The following RIMBP2 variants were observed in gnomAD, a reference collection of about 807,000 sequenced individuals.
RIMBP2 encodes the protein RIMS binding protein 2.
A neutral mutation model predicts 118.6 loss-of-function variants in RIMBP2; 48 were observed. The ratio of observed to expected loss-of-function variants is 0.40; its 90% CI spans 0.32 to 0.51. The LOEUF (loss-of-function observed/expected upper bound fraction) is 0.51. RIMBP2 is among the 20% of genes least tolerant of loss of function. The pLI is 0.41. For missense variants in RIMBP2, 1,551 were observed against 1,768.3 expected, an observed-to-expected ratio of 0.88 and a Z score of 2.20; for synonymous variants, 762 against 742.9, an observed-to-expected ratio of 1.03 and a Z score of -0.42.
chr12:130,577,189 C>A (rs1217733008), intron 2 of RIMBP2, among the ~76,000 whole-genome samples: 1 of 152,176 alleles, frequency 6.6e-6, no homozygotes, highest in East Asian at 1.9e-4. Flanking sequence ...CACCTGTCTT[C>A]TCATCTGTAA....
chr12:130,438,703 C>G (rs2077745373), intron 11 of RIMBP2, among the ~76,000 whole-genome samples, 187 bp from the exon 12 acceptor site: 1 of 152,176 alleles, frequency 6.6e-6, no homozygotes, highest in South Asian at 2.1e-4. Context: ...GGGGTACAGT[C>G]AGGTACCAGG....
intron 1 of RIMBP2, among the ~76,000 whole-genome samples, chr12:130,664,419 ACG>A (rs2063808313): frequency 1.2e-4 from 13 of 105,508 alleles, no homozygotes; most frequent in South Asian, 6.1e-4. Context: ...ACGCACACAC[ACG>A]CACACACATG....
chr12:130,713,185 G>A (rs560827160), intron 1 of RIMBP2, among the ~76,000 whole-genome samples: 9 of 139,216 alleles, frequency 6.5e-5, no homozygotes, highest in African/African-American at 1.9e-4. Context: ...AAGGAAGGAA[G>A]GAAAGAAGGA....
chr12:130,483,939 ATG>A (rs1294076890), intron 4 of RIMBP2, among the ~76,000 whole-genome samples: 2 of 151,608 alleles, frequency 1.3e-5, no homozygotes, highest in African/African-American at 4.9e-5. Context: ...CCCCGCCTAG[ATG>A]TGTCCCTGAG....
At chr12:130,488,143 T>A (rs568688687) in intron 4 of RIMBP2, among the ~76,000 whole-genome samples, 1 of 152,114 alleles carries the variant, frequency 6.6e-6, no homozygotes, top group Non-Finnish European at 1.5e-5. Context: ...CTAGAGAAGA[T>A]TGGATCCTCA....
In RIMBP2 at chr12:130,707,726, C is replaced by A. The variant is rs1949599854; in HGVS notation, c.-352+8496G>T. Among the ~76,000 whole-genome samples, 3 of 152,190 alleles carry A rather than the reference C, an allele frequency of 2.0e-5. No homozygotes were observed. In the South Asian group the frequency reaches 6.2e-4, roughly 32 times the overall value. On this transcript the variant is annotated intron_variant, in intron 1 of 22. Coordinates refer to ENST00000690449, the MANE Select transcript of RIMBP2 (RefSeq NM_001393629.1). Reference sequence around the variant, plus strand: ...CACAGGAGGCCTGGGGGCGCTGAGGCAGTGTGGCCCAGGGACAAGACCAGG... The same window carrying A: ...CACAGGAGGCCTGGGGGCGCTGAGGAAGTGTGGCCCAGGGACAAGACCAGG...
At chr12:130,646,070 TCCACCTCCCTCA>T (rs1266975488) in intron 1 of RIMBP2, among the ~76,000 whole-genome samples, 5 of 89,636 alleles carry the variant, frequency 5.6e-5, no homozygotes, top group Admixed American at 1.2e-4. Flanking sequence ...CACCTGCCTC[TCCACCTCCCTCA>T]CCACTTCCCT....
In RIMBP2 at chr12:130,447,120, G is replaced by T. The variant is rs2078593720; in HGVS notation, c.582-1851C>A. On this transcript the variant is annotated intron_variant, in intron 9 of 22. Coordinates refer to ENST00000690449, the MANE Select transcript of RIMBP2 (RefSeq NM_001393629.1). This position sits in a 1 kb window ranked among gnomAD's most constrained non-coding sequence, Gnocchi z 4.4. ...GAGCGAGAGGAACAGGAGCCCCCAG[G>T]CCACGCCTTCAGGAGTGCCCACACC... Among the ~76,000 whole-genome samples the T allele has an allele frequency of 6.6e-6, 1 of 151,840 alleles. No homozygotes were observed. The highest frequency in any genetic ancestry group is 1.5e-5 in the Non-Finnish European group (1 of 67,942).
rs2076670343 is a variant in RIMBP2, at chr12:130,424,801, G to A, written c.2470C>T (p.His824Tyr). The change falls in exon 16 of 23, where the codon CAC (histidine) becomes TAC (tyrosine). Residue 824 changes from histidine (H) to tyrosine (Y), a missense_variant. By Grantham distance (83) the His-to-Tyr change is moderately conservative. This residue lies in a region of RIMBP2 where 1,038 missense variants were observed against 1,125.1 expected (regional missense o/e 0.92). Coordinates refer to ENST00000690449, the MANE Select transcript of RIMBP2 (RefSeq NM_001393629.1). This position sits in a 1 kb window ranked among gnomAD's most constrained non-coding sequence, Gnocchi z 9.8. ...AAAAGTCTCTTCCTGTGGGGCTGGT[G>A]GGGAAACTCGGGCTGCTCCCAGAAA... ...GTFWEQPEFP[H>Y]QPHRKRLFSI... 1.6e-6 allele frequency: 2 copies of A among 1,232,606 alleles called. No homozygotes were observed. Among genetic ancestry groups the A allele is most frequent in the Non-Finnish European group, 1.0e-6 (1 of 988,452 alleles). The allele number at this position is 1,232,606 out of a possible 1,614,324, so 76.4% of individuals were successfully genotyped here.
At chr12:130,506,370 G>A (rs1024928267) in intron 4 of RIMBP2, among the ~76,000 whole-genome samples, 2 of 152,144 alleles carry the variant, frequency 1.3e-5, no homozygotes, top group Admixed American at 6.5e-5. Flanking sequence ...ATTCAGGAGC[G>A]GTGTGCCTGC....
At chr12:130,544,592 A>C in intron 2 of RIMBP2, among the ~76,000 whole-genome samples, 1 of 120,150 alleles carries the variant, frequency 8.3e-6, no homozygotes, top group African/African-American at 3.0e-5. Flanking sequence ...ATGTAACTGG[A>C]GGCCTTTTTT....
At chr12:130,645,161 C>T (rs1416335829) in intron 1 of RIMBP2, among the ~76,000 whole-genome samples, 2 of 151,414 alleles carry the variant, frequency 1.3e-5, no homozygotes, top group Non-Finnish European at 2.9e-5. Flanking sequence ...GCAATCTTGG[C>T]TCACTGCAGC....
chr12:130,683,207 C>T lies in RIMBP2; in HGVS notation c.-352+33015G>A, dbSNP rs1456773570. Among the ~76,000 whole-genome samples the T allele has an allele frequency of 6.6e-6, 1 of 152,182 alleles. No individual in the cohort carries two copies. Among genetic ancestry groups the T allele is most frequent in the East Asian group, 1.9e-4 (1 of 5,186 alleles). The stretch of plus-strand genomic sequence containing the variant: ...CATAAGAGGTAGAAAAGGACACACA[C>T]AGACACGGGAAAGCTCACACGGATG... On this transcript the variant is annotated intron_variant, in intron 1 of 22. Transcript: ENST00000690449. The surrounding 1 kb of genome is among the most constrained non-coding windows in gnomAD (Gnocchi z 4.4).
intron 4 of RIMBP2, among the ~76,000 whole-genome samples, chr12:130,488,873 C>A (rs1268613969): frequency 6.6e-6 from 1 of 152,186 alleles, no homozygotes; most frequent in Non-Finnish European, 1.5e-5. Context: ...CTAGATTTCC[C>A]TTCTAATCTG....
intron 2 of RIMBP2, among the ~76,000 whole-genome samples, chr12:130,624,315 T>C: frequency 6.6e-6 from 1 of 152,202 alleles, no homozygotes; most frequent in East Asian, 1.9e-4. Flanking sequence ...TCAAGATACA[T>C]GAGATTTTAC....
intron 2 of RIMBP2, among the ~76,000 whole-genome samples, chr12:130,584,995 A>G (rs1301454402): frequency 6.6e-6 from 1 of 152,172 alleles, no homozygotes; most frequent in African/African-American, 2.4e-5. Context: ...GGCTCAAGCA[A>G]TGCTCCTACC....
intron 2 of RIMBP2, among the ~76,000 whole-genome samples, chr12:130,595,855 A>G (rs1023650474): frequency 6.6e-5 from 10 of 152,210 alleles, no homozygotes; most frequent in African/African-American, 2.4e-4. Flanking sequence ...TTCTGAAATC[A>G]AGTGTGCAAG....
At chr12:130,533,281 C>G (rs933192921) in intron 2 of RIMBP2, among the ~76,000 whole-genome samples, 3 of 152,094 alleles carry the variant, frequency 2.0e-5, no homozygotes, top group African/African-American at 4.8e-5. Context: ...AGAAGACATA[C>G]AAATGGCCAG....
chr12:130,439,203 T>C (rs1285269114), intron 11 of RIMBP2, among the ~76,000 whole-genome samples: 3 of 82,748 alleles, frequency 3.6e-5, no homozygotes, highest in African/African-American at 9.4e-5. Context: ...TGTGCATATA[T>C]GTGTATATGT....
Sources: gnomAD v4.1 joint callset for allele counts (sites outside exome capture counted in the v4.1 genomes callset) on GRCh38, gnomAD v4.1.1 for gene constraint, gnomAD v4.1.1 regional missense constraint, Gnocchi (gnomAD v3.1) non-coding constraint, MANE v1.5 for transcripts, NCBI Gene and HGNC (gene_info 2026-07-23, HGNC 2026-07-21) for gene names.